The following SPAG16 variants were observed in gnomAD, a reference collection of about 807,000 sequenced individuals.
SPAG16 encodes sperm-associated antigen 16 protein.
A neutral mutation model predicts 80.4 loss-of-function variants in SPAG16; 86 were observed. That is an observed-to-expected ratio of 1.07 (90% CI 0.90 to 1.28). The LOEUF (loss-of-function observed/expected upper bound fraction) is 1.28. Among genes scored for constraint, SPAG16 ranks in the 50% most tolerant of loss-of-function variants. The probability of loss-of-function intolerance (pLI) is 0.00; values close to 1 mark genes in which losing one functional copy is unlikely to be tolerated. For missense variants in SPAG16, 870 were observed against 765.3 expected (o/e 1.14, Z -1.61); for synonymous variants, 294 against 265.9 (o/e 1.11, Z -1.03).
At chr2:213,920,974 G>C (rs942260042) in intron 11 of SPAG16, among the ~76,000 whole-genome samples, 6 of 152,230 alleles carry the variant, frequency 3.9e-5, no homozygotes, top group African/African-American at 1.4e-4. Flanking sequence ...TGTGGCAAGA[G>C]TAGGTTGATC....
At chr2:213,573,532 A>G (rs1235000629) in intron 10 of SPAG16, among the ~76,000 whole-genome samples, 4 of 152,232 alleles carry the variant, frequency 2.6e-5, no homozygotes, top group Non-Finnish European at 4.4e-5. Flanking sequence ...CTACTTTTCA[A>G]TGCTAAAAGC....
At chr2:213,427,683 C>T (rs937140698) in intron 9 of SPAG16, among the ~76,000 whole-genome samples, 8 of 152,150 alleles carry the variant, frequency 5.3e-5, no homozygotes, top group African/African-American at 1.9e-4. Flanking sequence ...TCTACATATT[C>T]TCATCCTGAA....
chr2:213,879,338 T>C (rs2076258618), intron 11 of SPAG16, among the ~76,000 whole-genome samples: 1 of 151,714 alleles, frequency 6.6e-6, no homozygotes, highest in African/African-American at 2.4e-5. Context: ...TGTTTTGTAG[T>C]TTTCTTTGTA....
At chr2:213,884,813 T>A (rs905898047) in intron 11 of SPAG16, among the ~76,000 whole-genome samples, 1 of 152,224 alleles carries the variant, frequency 6.6e-6, no homozygotes, top group Non-Finnish European at 1.5e-5. Context: ...TATGAAATTC[T>A]TGTAGAGAAT....
intron 13 of SPAG16, among the ~76,000 whole-genome samples, chr2:214,069,925 A>G (rs898431883): frequency 6.6e-6 from 1 of 151,938 alleles, no homozygotes; most frequent in Non-Finnish European, 1.5e-5. Flanking sequence ...TCTCACTGAG[A>G]CTCTTTGTTC....
chr2:214,052,398 G>C (rs528025210), intron 13 of SPAG16, among the ~76,000 whole-genome samples: 1 of 152,148 alleles, frequency 6.6e-6, no homozygotes, highest in Non-Finnish European at 1.5e-5. Context: ...AACTCAGAGC[G>C]CAGCACAGAG....
chr2:213,814,020 GGAGAGAGAGAGATCGGTAGGGT>G (rs2072356033), intron 10 of SPAG16, among the ~76,000 whole-genome samples: 1 of 152,046 alleles, frequency 6.6e-6, no homozygotes, highest in African/African-American at 2.4e-5. Context: ...ACGGAGGTAG[GGAGAGAGAGAGATCGGTAGGGT>G]GAGAGAGAGA....
intron 10 of SPAG16, among the ~76,000 whole-genome samples, chr2:213,618,571 T>C (rs140347252): frequency 2.0e-4 from 30 of 152,290 alleles, no homozygotes; most frequent in Non-Finnish European, 3.5e-4. Flanking sequence ...TGCCAATCTC[T>C]TTAACAGGGG....
chr2:214,360,439 A>G (rs763335285), intron 15 of SPAG16, among the ~76,000 whole-genome samples: 1 of 152,020 alleles, frequency 6.6e-6, no homozygotes, highest in South Asian at 2.1e-4. Flanking sequence ...AAGTTCTAAG[A>G]TAATTTGAAA....
At chr2:213,919,201 G>T (rs1377290417) in intron 11 of SPAG16, among the ~76,000 whole-genome samples, 1 of 151,202 alleles carries the variant, frequency 6.6e-6, no homozygotes, top group Non-Finnish European at 1.5e-5. Flanking sequence ...TTTAATCTTG[G>T]TTTTGTATCT....
rs918793684 is a variant in SPAG16, at chr2:213,859,140, C to A, written c.1071-3345C>A. ...GTTGTAGTGAGCCGAGATCACACCA[C>A]TGCTCTCCAGTCTGGGCAACAGAGC... On this transcript the variant is annotated intron_variant, in intron 10 of 15. Transcript: ENST00000331683. Among the ~76,000 whole-genome samples, 4 of 122,286 alleles carry A rather than the reference C, an allele frequency of 3.3e-5. No individual in the cohort carries two copies. In the Admixed American group the frequency reaches 3.3e-4, roughly 10 times the overall value. The allele number at this position is 122,286 out of a possible 152,430, so 80.2% of individuals were successfully genotyped here.
At position 213,805,830 on chromosome 2, in the gene SPAG16, TA is replaced by T. The variant is rs796256179; in HGVS notation, c.1071-56651del. ...CAGAGTTCAAACTATTTTTAAATTT[TA>T]AAATATTTTCATATAGCAATGGTTG... On this transcript the variant is annotated intron_variant, in intron 10 of 15. Coordinates refer to ENST00000331683, the MANE Select transcript of SPAG16 (RefSeq NM_024532.5). Among the ~76,000 whole-genome samples the T allele has an allele frequency of 1.6e-4, 25 of 152,344 alleles. 2 individuals carry two copies. Among genetic ancestry groups the T allele is most frequent in the African/African-American group, 6.0e-4 (25 of 41,590 alleles).
chr2:213,928,543 C>T (rs1012946012), intron 11 of SPAG16, among the ~76,000 whole-genome samples: 1 of 152,168 alleles, frequency 6.6e-6, no homozygotes, highest in Non-Finnish European at 1.5e-5. Context: ...AATACCCAAG[C>T]CTATGAGCAA....
intron 10 of SPAG16, among the ~76,000 whole-genome samples, chr2:213,849,396 G>A (rs904459419): frequency 6.6e-6 from 1 of 152,100 alleles, no homozygotes; most frequent in African/African-American, 2.4e-5. Context: ...CATGAGATTT[G>A]TTGGAAACAA....
intron 15 of SPAG16, among the ~76,000 whole-genome samples, chr2:214,321,169 C>A (rs1244456446): frequency 6.6e-6 from 1 of 152,078 alleles, no homozygotes; most frequent in Non-Finnish European, 1.5e-5. Flanking sequence ...ATAATTGGAA[C>A]ACCTTAGTCT....
At chr2:213,725,317 C>G (rs1414914286) in intron 10 of SPAG16, among the ~76,000 whole-genome samples, 1 of 152,228 alleles carries the variant, frequency 6.6e-6, no homozygotes, top group East Asian at 1.9e-4. Context: ...AACCACTGCA[C>G]TGAGCCAACT....
At chr2:213,880,253 T>C (rs1230801223) in intron 11 of SPAG16, among the ~76,000 whole-genome samples, 2 of 152,212 alleles carry the variant, frequency 1.3e-5, no homozygotes, top group African/African-American at 4.8e-5. Context: ...TTTTCATGTG[T>C]ATTGGCTCCT....
intron 10 of SPAG16, among the ~76,000 whole-genome samples, chr2:213,689,257 C>T (rs1280360343): frequency 6.6e-6 from 1 of 152,188 alleles, no homozygotes; most frequent in African/African-American, 2.4e-5. Flanking sequence ...TGCTCCTGGC[C>T]TTAAAATATT....
chr2:214,252,184 A>C (rs1341398313), intron 15 of SPAG16, among the ~76,000 whole-genome samples: 2 of 152,108 alleles, frequency 1.3e-5, no homozygotes, highest in Non-Finnish European at 2.9e-5. Context: ...GGCAGTATGG[A>C]ATGATGGTAT....
Sources: gnomAD v4.1 joint callset for allele counts (sites outside exome capture counted in the v4.1 genomes callset) on GRCh38, gnomAD v4.1.1 for gene constraint, MANE v1.5 for transcripts, NCBI Gene and HGNC (gene_info 2026-07-23, HGNC 2026-07-21) for gene names.